The following SLC44A2 variants were observed in gnomAD, a reference collection of about 807,000 sequenced individuals.
The protein encoded by SLC44A2 is choline transporter-like protein 2.
In SLC44A2, 57 loss-of-function variants were observed where a neutral mutation model predicts 90.8. The observed-to-expected ratio is 0.63, with a 90% CI of 0.51 to 0.78. SLC44A2 has a LOEUF of 0.78. SLC44A2 is among the 30% of genes least tolerant of loss of function. The pLI, the probability that SLC44A2 is intolerant of heterozygous loss-of-function variation, is 0.00. For missense variants in SLC44A2, 794 were observed against 919.7 expected, an observed-to-expected ratio of 0.86 and a Z score of 1.77; for synonymous variants, 355 against 360.7, an observed-to-expected ratio of 0.98 and a Z score of 0.18.
At chr19:10,625,697 C>T (rs2066925672) in intron 1 of SLC44A2, 27 bp downstream of exon 1, 2 of 1,246,656 alleles carry the variant, frequency 1.6e-6, no homozygotes, top group Non-Finnish European at 2.0e-6. Flanking sequence ...GCCCGTAGCC[C>T]CGGGCCGACC....
intron 1 of SLC44A2, among the ~76,000 whole-genome samples, chr19:10,608,356 C>T (rs1401340601): frequency 3.3e-5 from 5 of 152,040 alleles, no homozygotes; most frequent in Non-Finnish European, 7.4e-5. Context: ...TGTGCCATGG[C>T]GCCCAGCACA....
At chr19:10,604,228 G>C (rs1473801336) in intron 1 of SLC44A2, among the ~76,000 whole-genome samples, 1 of 152,216 alleles carries the variant, frequency 6.6e-6, no homozygotes, top group African/African-American at 2.4e-5. Flanking sequence ...GTGATCTTGT[G>C]TGGCAGAAAC....
At chr19:10,638,348 G>A (rs960472253) in intron 20 of SLC44A2, 33 bp downstream of exon 20, 5 of 1,589,826 alleles carry the variant, frequency 3.1e-6, no homozygotes, top group African/African-American at 1.3e-5. Context: ...GGGGGTTTGG[G>A]AAGAAAGAGG....
At chr19:10,618,915 T>A (rs1329729503) in intron 1 of SLC44A2, among the ~76,000 whole-genome samples, 3 of 151,724 alleles carry the variant, frequency 2.0e-5, no homozygotes, top group Non-Finnish European at 4.4e-5. Flanking sequence ...AATAAAGAAT[T>A]TATCCTTTCC....
Position 10,610,464 on chromosome 19 carries a change from T to C in SLC44A2, c.31+7903T>C, listed in dbSNP as rs183237868. On this transcript the variant is annotated intron_variant, in intron 1 of 21. Transcript: ENST00000407327. The stretch of plus-strand genomic sequence containing the variant: ...CTCCTGCCTCAGCCTCCCGAGTAGC[T>C]GGGATTACAGGCGCCCGCCACCATG... 8.1e-3 allele frequency among the ~76,000 whole-genome samples: 1,215 copies of C among 149,222 alleles called. 16 individuals carry two copies. The highest frequency in any genetic ancestry group is 0.029 in the African/African-American group (1,166 of 40,412).
intron 1 of SLC44A2, among the ~76,000 whole-genome samples, chr19:10,617,122 G>A (rs1157516086): frequency 1.3e-5 from 2 of 151,332 alleles, no homozygotes; most frequent in South Asian, 4.2e-4. Context: ...GGGTTTCATC[G>A]TGTTAGCCAG....
rs536396524 is a variant in SLC44A2, at chr19:10,625,648, G to C, written c.15G>C (p.Arg5=). MGDE[R]PHYYGKHGTP... ...CGCCTGCAGGGATGGGGGACGAGCGGCCCCACTACTACGGGAAACACGGTA... is the reference window on the plus strand; with the variant it reads ...CGCCTGCAGGGATGGGGGACGAGCGCCCCCACTACTACGGGAAACACGGTA... Residue 5 remains arginine, a synonymous_variant, in exon 1 of 22, where the codon CGG becomes CGC. Coordinates refer to ENST00000335757, the MANE Select transcript of SLC44A2 (RefSeq NM_020428.4). 1.5e-5 allele frequency: 19 copies of C among 1,249,892 alleles called. No homozygotes were observed. The African/African-American group carries it at 2.9e-4, about 19-fold the overall frequency. 77.4% of individuals were successfully genotyped at this position (1,249,892 alleles called of 1,614,324 possible). A position where few individuals can be genotyped will look rare whatever the true frequency, so the allele number is the denominator to read the frequency against.
chr19:10,640,193 C>T (rs2067100986), intron 20 of SLC44A2, among the ~76,000 whole-genome samples: 1 of 149,202 alleles, frequency 6.7e-6, no homozygotes, highest in South Asian at 2.1e-4. Context: ...CGGGTTCAAG[C>T]GATTCTCCTG....
At chr19:10,618,957 TC>T (rs1407324946) in intron 1 of SLC44A2, among the ~76,000 whole-genome samples, 78 of 148,288 alleles carry the variant, frequency 5.3e-4, no homozygotes, top group Middle Eastern at 3.4e-3. Flanking sequence ...TGTATACAAT[TC>T]TTTTTTTTTT....
At chr19:10,631,234 C>G (rs2066990558) in intron 5 of SLC44A2, 41 bp from the exon 6 acceptor site, 1 of 1,609,230 alleles carries the variant, frequency 6.2e-7, no homozygotes, top group Non-Finnish European at 8.5e-7. Context: ...CCTGAGCAGT[C>G]TGCCCCAACT....
chr19:10,621,443 G>T (rs78238247), upstream of SLC44A2, among the ~76,000 whole-genome samples: 732 of 54,774 alleles, frequency 0.013, 30 homozygotes, highest in East Asian at 0.11. Context: ...TTTTTTTTTG[G>T]TTTTTGTGGG....
chr19:10,633,429 G>A (rs1447760575), intron 10 of SLC44A2, among the ~76,000 whole-genome samples: 1 of 151,476 alleles, frequency 6.6e-6, no homozygotes, highest in African/African-American at 2.4e-5. Context: ...CAAAGTGCTG[G>A]GATTACAGAC....
At chr19:10,642,867 T>C (rs908938229) in intron 21 of SLC44A2, 2 of 1,550,462 alleles carry the variant, frequency 1.3e-6, no homozygotes, top group Non-Finnish European at 1.7e-6. Context: ...CACCCCATTT[T>C]CCCCCTGCCG....
At chr19:10,638,917 A>G (rs1011740640) in intron 20 of SLC44A2, among the ~76,000 whole-genome samples, 9 of 151,566 alleles carry the variant, frequency 5.9e-5, no homozygotes, top group Non-Finnish European at 1.0e-4. Flanking sequence ...CTCCTGCCTC[A>G]GCCTCCCGAG....
Position 10,632,116 on chromosome 19 carries a change from C to A in SLC44A2, c.783C>A (p.Val261=). Residue 261 remains valine, a synonymous_variant, in exon 10 of 22, where the codon GTC becomes GTA. Coordinates refer to ENST00000335757, the MANE Select transcript of SLC44A2 (RefSeq NM_020428.4). ...ILLRFLAGIM[V]WVMIIMVILV... ...TTCGCTTCCTGGCTGGTATTATGGT[C>A]TGGGTGATGATCATCATGGTGATTC... The A allele has an allele frequency of 6.2e-7, 1 of 1,614,114 alleles. No homozygotes were observed. The highest frequency in any genetic ancestry group is 1.1e-5 in the South Asian group (1 of 91,068).
chr19:10,628,532 A>C (rs1417860746), intron 4 of SLC44A2, among the ~76,000 whole-genome samples: 1 of 152,202 alleles, frequency 6.6e-6, no homozygotes, highest in Non-Finnish European at 1.5e-5. Flanking sequence ...AGCCTGGACG[A>C]CAGAGCGAGA....
Position 10,643,766 on chromosome 19 carries a change from T to G in SLC44A2, c.*381T>G. On this transcript the variant is annotated 3_prime_UTR_variant, in exon 22 of 22. Coordinates refer to ENST00000335757, the MANE Select transcript of SLC44A2 (RefSeq NM_020428.4). ...TGTCTGAGGGAGCTGCTGGCCACAG[T>G]GAACACCCACGTTTATTCCTGCCTG... The G allele has an allele frequency of 5.2e-6, 1 of 193,164 alleles. No individual in the cohort carries two copies. Among genetic ancestry groups the G allele is most frequent in the Non-Finnish European group, 1.1e-5 (1 of 92,962 alleles). The allele number at this position is 193,164 out of a possible 1,614,324, so 12.0% of individuals were successfully genotyped here.
intron 20 of SLC44A2, chr19:10,641,399 A>C (rs369842278): frequency 2.2e-6 from 1 of 451,584 alleles, no homozygotes; most frequent in Non-Finnish European, 4.4e-6. Context: ...GTCTCAAAAA[A>C]AAAACAAAAA....
At chr19:10,622,021 C>T (rs912169844), upstream of SLC44A2, among the ~76,000 whole-genome samples, 2 of 152,220 alleles carry the variant, frequency 1.3e-5, no homozygotes, top group Non-Finnish European at 2.9e-5. Flanking sequence ...CTCAGCCTCC[C>T]CAAGTGCTAA....
Sources: gnomAD v4.1 joint callset for allele counts (sites outside exome capture counted in the v4.1 genomes callset) on GRCh38, gnomAD v4.1.1 for gene constraint, MANE v1.5 for transcripts, NCBI Gene and HGNC (gene_info 2026-07-23, HGNC 2026-07-21) for gene names.